Variants in KATNAL1 observed in about 807,000 individuals in gnomAD.
KATNAL1 encodes katanin p60 ATPase-containing subunit A-like 1.
In KATNAL1, 32 loss-of-function variants were observed where a neutral mutation model predicts 55.2. The ratio of observed to expected loss-of-function variants is 0.58; its 90% CI spans 0.44 to 0.78. KATNAL1 has a LOEUF of 0.78. Ranked by LOEUF, KATNAL1 falls within the 30% of genes least tolerant of loss-of-function variation. The probability of loss-of-function intolerance (pLI) is 0.00; values close to 1 mark genes in which losing one functional copy is unlikely to be tolerated. For synonymous variants in KATNAL1, 193 were observed against 193.6 expected, an observed-to-expected ratio of 1.00 and a Z score of 0.02; for missense variants, 466 against 600.9, an observed-to-expected ratio of 0.78 and a Z score of 2.35.
chr13:30,263,436 G>C (rs1445606093), intron 3 of KATNAL1, among the ~76,000 whole-genome samples: 1 of 150,788 alleles, frequency 6.6e-6, no homozygotes, highest in Non-Finnish European at 1.5e-5. Context: ...AATTGTCCCT[G>C]TTTGCAGACG....
At chr13:30,227,344 A>G in intron 9 of KATNAL1, 68 bp downstream of exon 9, 4 of 1,465,806 alleles carry the variant, frequency 2.7e-6, no homozygotes, top group Non-Finnish European at 2.8e-6. Context: ...GCAATGGAAT[A>G]AAGATTTAGA....
At chr13:30,239,621 A>G (rs1350966811) in intron 6 of KATNAL1, among the ~76,000 whole-genome samples, 2 of 152,204 alleles carry the variant, frequency 1.3e-5, no homozygotes, top group East Asian at 1.9e-4. Flanking sequence ...AATAAATACT[A>G]CAAAAGCACA....
intron 1 of KATNAL1, among the ~76,000 whole-genome samples, chr13:30,287,594 C>G (rs996282064): frequency 2.6e-5 from 4 of 152,212 alleles, no homozygotes; most frequent in Admixed American, 2.6e-4. Flanking sequence ...TTTCAATGTC[C>G]AGTGGATCTA....
chr13:30,306,058 A>AACAC (rs144029796), intron 1 of KATNAL1, among the ~76,000 whole-genome samples: 87 of 151,710 alleles, frequency 5.7e-4, no homozygotes, highest in Non-Finnish European at 9.9e-4. Context: ...TTTGTTTTTA[A>AACAC]ACACACACAC....
chr13:30,247,680 G>T (rs527278497), intron 4 of KATNAL1, among the ~76,000 whole-genome samples: 1 of 152,324 alleles, frequency 6.6e-6, no homozygotes, highest in South Asian at 2.1e-4. Flanking sequence ...GAAAGAAGAT[G>T]AGGTCAAAGA....
chr13:30,240,217 CTCAGCA>C (rs1877126318), intron 6 of KATNAL1, among the ~76,000 whole-genome samples: 2 of 152,170 alleles, frequency 1.3e-5, no homozygotes, highest in Non-Finnish European at 1.5e-5. Context: ...TAATCTCTAG[CTCAGCA>C]TCCCTGAGTG....
At chr13:30,265,252 T>C (rs1156973904) in intron 3 of KATNAL1, among the ~76,000 whole-genome samples, 2 of 151,718 alleles carry the variant, frequency 1.3e-5, no homozygotes, top group Admixed American at 6.6e-5. Context: ...AGGGATAGCA[T>C]TGGGAGATAT....
chr13:30,232,897 A>G (rs189200952), intron 6 of KATNAL1, among the ~76,000 whole-genome samples: 35 of 152,308 alleles, frequency 2.3e-4, no homozygotes, highest in Non-Finnish European at 2.9e-5. Context: ...GGATAGCCAT[A>G]TGCAGAAGAA....
intron 3 of KATNAL1, among the ~76,000 whole-genome samples, chr13:30,276,677 C>CTTA (rs1880870973): frequency 6.6e-6 from 1 of 152,118 alleles, no homozygotes; most frequent in South Asian, 2.1e-4. Context: ...CTTTATTCTT[C>CTTA]CACCACTAGT....
chr13:30,306,418 A>C (rs1883180312), intron 1 of KATNAL1, among the ~76,000 whole-genome samples: 1 of 150,880 alleles, frequency 6.6e-6, no homozygotes, highest in South Asian at 2.1e-4. Flanking sequence ...AAGCTGAACT[A>C]ATCAAAATAT....
chr13:30,259,779 A>G (rs540829141), intron 3 of KATNAL1, among the ~76,000 whole-genome samples: 22 of 152,106 alleles, frequency 1.4e-4, no homozygotes, highest in African/African-American at 5.1e-4. Flanking sequence ...ACTGCAAGGC[A>G]GCAGCAAGGC....
intron 1 of KATNAL1, among the ~76,000 whole-genome samples, chr13:30,290,990 T>C (rs896942534): frequency 3.3e-5 from 5 of 152,230 alleles, no homozygotes; most frequent in African/African-American, 1.2e-4. Flanking sequence ...TACCTACGGC[T>C]AGCATATGTA....
At chr13:30,303,117 T>C (rs1040392278) in intron 1 of KATNAL1, among the ~76,000 whole-genome samples, 3 of 152,238 alleles carry the variant, frequency 2.0e-5, no homozygotes, top group Admixed American at 6.5e-5. Flanking sequence ...CAATTACTAA[T>C]GGACAGAACA....
intron 9 of KATNAL1, among the ~76,000 whole-genome samples, chr13:30,223,240 C>G (rs180974294): frequency 1.8e-4 from 27 of 151,948 alleles, no homozygotes; most frequent in African/African-American, 5.1e-4. Context: ...GAGATCGAGA[C>G]CATCCTGGCT....
intron 1 of KATNAL1, among the ~76,000 whole-genome samples, chr13:30,293,259 A>G (rs1466576073): frequency 1.3e-5 from 2 of 151,768 alleles, no homozygotes; most frequent in African/African-American, 4.8e-5. Flanking sequence ...ACTTTCTTGG[A>G]GATGTTCTCA....
intron 4 of KATNAL1, among the ~76,000 whole-genome samples, chr13:30,248,972 T>C (rs1326208482): frequency 6.6e-6 from 1 of 151,282 alleles, no homozygotes; most frequent in African/African-American, 2.4e-5. Flanking sequence ...GGCAGGAGAA[T>C]GGCGTGAACG....
At chr13:30,266,036 A>T (rs993437421) in intron 3 of KATNAL1, among the ~76,000 whole-genome samples, 1 of 141,514 alleles carries the variant, frequency 7.1e-6, no homozygotes, top group Non-Finnish European at 1.5e-5. Flanking sequence ...AAAAAAAAAA[A>T]GTCTCACTCA....
At chr13:30,241,747 G>C (rs936330827) in intron 4 of KATNAL1, among the ~76,000 whole-genome samples, 4 of 152,148 alleles carry the variant, frequency 2.6e-5, no homozygotes, top group Non-Finnish European at 5.9e-5. Context: ...AACCGGAAAA[G>C]AGACAAGAGA....
At chr13:30,230,412 T>G in intron 8 of KATNAL1, 56 bp downstream of exon 8, 1 of 1,528,492 alleles carries the variant, frequency 6.5e-7, no homozygotes, top group South Asian at 1.2e-5. Flanking sequence ...TGATTATGAG[T>G]TTACACAAAA....
Sources: allele counts gnomAD v4.1 joint callset (sites outside exome capture counted in the v4.1 genomes callset), GRCh38; gene constraint gnomAD v4.1.1; transcripts MANE v1.5; gene names NCBI Gene and HGNC (gene_info 2026-07-23, HGNC 2026-07-21).